The following USH1C variants were observed in gnomAD, a reference collection of about 807,000 sequenced individuals.
USH1C encodes harmonin.
In USH1C, 90 loss-of-function variants were observed where a neutral mutation model predicts 119.3. The observed-to-expected ratio is 0.75, with a 90% CI of 0.64 to 0.90. USH1C has a LOEUF of 0.90. USH1C is among the 40% of genes least tolerant of loss of function. USH1C has a pLI of 0.00. For missense variants in USH1C, 1,165 were observed against 1,167.7 expected, an observed-to-expected ratio of 1.00 and a Z score of 0.03; for synonymous variants, 465 against 443.3, an observed-to-expected ratio of 1.05 and a Z score of -0.62.
At position 17,540,092 on chromosome 11, in the gene USH1C, A is replaced by C. The variant is rs1347774333; in HGVS notation, c.36+4180T>G. On this transcript the variant is annotated intron_variant, in intron 1 of 26. Transcript: ENST00000005226. Reference sequence around the variant, plus strand: ...AGTGATTCTCCCACCTCAGCCTCCCAAAATGCTGGGATTTCAGGCGTGAGC... The same window carrying C: ...AGTGATTCTCCCACCTCAGCCTCCCCAAATGCTGGGATTTCAGGCGTGAGC... 2.6e-5 allele frequency among the ~76,000 whole-genome samples: 4 copies of C among 152,174 alleles called. No individual in the cohort carries two copies. The East Asian group carries it at 5.8e-4, about 22-fold the overall frequency.
chr11:17,518,725 A>T (rs1183372245), intron 14 of USH1C, among the ~76,000 whole-genome samples: 1 of 152,208 alleles, frequency 6.6e-6, no homozygotes, highest in Non-Finnish European at 1.5e-5. Flanking sequence ...ATTTTAAAAA[A>T]TGCAGGGCCC....
chr11:17,507,632 A>C (rs1023895126), intron 18 of USH1C, among the ~76,000 whole-genome samples: 1 of 152,250 alleles, frequency 6.6e-6, no homozygotes, highest in African/African-American at 2.4e-5. Context: ...ATTTGATTCG[A>C]ATAGGTAGCT....
chr11:17,513,862 T>C (rs1850016051), intron 15 of USH1C, among the ~76,000 whole-genome samples: 1 of 151,992 alleles, frequency 6.6e-6, no homozygotes, highest in African/African-American at 2.4e-5. Flanking sequence ...AGTGCTAAGA[T>C]TATAGAGTCA....
chr11:17,497,095 T>C (rs1178177677), intron 24 of USH1C, among the ~76,000 whole-genome samples: 4 of 152,226 alleles, frequency 2.6e-5, no homozygotes, highest in Non-Finnish European at 5.9e-5. Flanking sequence ...TCAGAATCAC[T>C]TGGGGGAACT....
intron 14 of USH1C, 44 bp downstream of exon 14, chr11:17,520,826 C>G (rs1850376115): frequency 6.2e-7 from 1 of 1,613,048 alleles, no homozygotes; most frequent in Non-Finnish European, 8.5e-7. Context: ...GCCAGCATTT[C>G]TGACTAGTTC....
intron 23 of USH1C, among the ~76,000 whole-genome samples, chr11:17,499,898 C>G (rs978570952): frequency 5.9e-5 from 9 of 152,216 alleles, no homozygotes; most frequent in African/African-American, 2.2e-4. Context: ...TGGCTCCAGC[C>G]TAGGACTGCC....
intron 4 of USH1C, among the ~76,000 whole-genome samples, chr11:17,528,296 G>C (rs551853563): frequency 6.6e-6 from 1 of 152,304 alleles, no homozygotes; most frequent in South Asian, 2.1e-4. Flanking sequence ...TGGATACAGA[G>C]CCGTGGTGAG....
intron 2 of USH1C, among the ~76,000 whole-genome samples, 178 bp downstream of exon 2, chr11:17,533,065 TAGTACAAAGCCA>T (rs985990173): frequency 5.9e-5 from 9 of 152,120 alleles, no homozygotes; most frequent in Non-Finnish European, 1.2e-4. Context: ...ACCCAGCCCC[TAGTACAAAGCCA>T]AGTACAAAGT....
chr11:17,537,892 G>T (rs1851292677), intron 1 of USH1C, among the ~76,000 whole-genome samples: 1 of 152,154 alleles, frequency 6.6e-6, no homozygotes, highest in African/African-American at 2.4e-5. Flanking sequence ...GGAAACAGAG[G>T]CTCAGAGAAG....
At position 17,516,305 on chromosome 11, in the gene USH1C, T is replaced by C. The variant is rs759671024; in HGVS notation, c.1211-15A>G. ...CCATCCAAAAGCTATAAGACACAGA[T>C]AACAAAATGATGAGACACAGTTCAG... On this transcript the variant is annotated splice_polypyrimidine_tract_variant and intron_variant, in intron 14 of 26. Coordinates refer to ENST00000005226, the MANE Select transcript of USH1C (RefSeq NM_153676.4). The C allele has an allele frequency of 8.7e-6, 14 of 1,611,310 alleles. No individual in the cohort carries two copies. In the Admixed American group the frequency reaches 1.2e-4, roughly 14 times the overall value.
chr11:17,500,368 C>T (rs997759598), intron 23 of USH1C, among the ~76,000 whole-genome samples: 18 of 152,188 alleles, frequency 1.2e-4, no homozygotes, highest in Non-Finnish European at 1.5e-5. Context: ...ATACTTTAAC[C>T]TCTCTGAGCC....
At position 17,510,848 on chromosome 11, in the gene USH1C, C is replaced by T. The variant is rs531995210; in HGVS notation, c.1414-327G>A. ...TTTTCCAAGAATGGAGTTTTTGTAGCCTCCCCCAGCACATTCCAAGAGTTT... is the reference window on the plus strand; with the variant it reads ...TTTTCCAAGAATGGAGTTTTTGTAGTCTCCCCCAGCACATTCCAAGAGTTT... On this transcript the variant is annotated intron_variant, in intron 16 of 26. Transcript: ENST00000005226. Among the ~76,000 whole-genome samples, 4 of 152,266 alleles carry T rather than the reference C, an allele frequency of 2.6e-5. No individual in the cohort carries two copies. The South Asian group carries it at 6.2e-4, about 24-fold the overall frequency.
At chr11:17,505,996 G>T in intron 18 of USH1C, 47 bp from the exon 19 acceptor site, 1 of 1,613,690 alleles carries the variant, frequency 6.2e-7, no homozygotes, top group Non-Finnish European at 8.5e-7. Context: ...ATGGTGGGGT[G>T]GCCAAGGCCA....
chr11:17,510,605 CT>C, intron 16 of USH1C, 84 bp from the exon 17 acceptor site: 2 of 1,022,560 alleles, frequency 2.0e-6, no homozygotes, highest in Non-Finnish European at 3.1e-6. Flanking sequence ...GAAAGCACTC[CT>C]TTAGAAACTC....
At chr11:17,524,373 C>T (rs1003543412) in intron 9 of USH1C, 78 bp downstream of exon 9, 3 of 1,468,858 alleles carry the variant, frequency 2.0e-6, no homozygotes, top group African/African-American at 2.8e-5. Flanking sequence ...GGAAAGGCAC[C>T]TGCCCCTGTC....
chr11:17,514,593 C>T (rs1175955149), intron 15 of USH1C: 1 of 152,158 alleles, frequency 6.6e-6, no homozygotes, highest in East Asian at 1.9e-4. Flanking sequence ...ACTTGGCGTT[C>T]CAGCTGCTGG....
intron 23 of USH1C, among the ~76,000 whole-genome samples, chr11:17,500,167 G>A (rs1393219881): frequency 6.6e-6 from 1 of 152,230 alleles, no homozygotes; most frequent in African/African-American, 2.4e-5. Flanking sequence ...TTGTAGATAA[G>A]GGGATAAAGA....
intron 1 of USH1C, among the ~76,000 whole-genome samples, chr11:17,539,807 C>T (rs543395209): frequency 2.0e-5 from 3 of 148,500 alleles, no homozygotes; most frequent in Non-Finnish European, 3.0e-5. Flanking sequence ...TCTTTCTTTT[C>T]TTTCTGTTTC....
At chr11:17,524,404 C>T (rs1225588803) in intron 9 of USH1C, 47 bp downstream of exon 9, 1 of 1,546,106 alleles carries the variant, frequency 6.5e-7, no homozygotes, top group African/African-American at 1.4e-5. Flanking sequence ...CACAGTCTGA[C>T]CCAATTTCCA....
Sources: allele counts gnomAD v4.1 joint callset (sites outside exome capture counted in the v4.1 genomes callset), GRCh38; gene constraint gnomAD v4.1.1; transcripts MANE v1.5; gene names NCBI Gene and HGNC (gene_info 2026-07-23, HGNC 2026-07-21).